FRMD4B: variants seen among roughly 807,000 people sequenced by gnomAD.
FRMD4B encodes the protein FERM domain-containing protein 4B.
FRMD4B carries 74 observed loss-of-function variants against 141.5 expected under a neutral mutation model. The observed-to-expected ratio is 0.52, with a 90% confidence interval of 0.43 to 0.63. The LOEUF (loss-of-function observed/expected upper bound fraction) is 0.63, where lower values mean the gene tolerates loss of function less well. Ranked by LOEUF, FRMD4B falls within the 30% of genes least tolerant of loss-of-function variation. The probability of loss-of-function intolerance (pLI) is 0.00; values close to 1 mark genes in which losing one functional copy is unlikely to be tolerated. For missense variants in FRMD4B, 1,366 were observed against 1,253.4 expected (o/e 1.09, Z -1.36); for synonymous variants, 506 against 467.9 (o/e 1.08, Z -1.05).
At chr3:69,382,539 G>T (rs565523166) in intron 1 of FRMD4B, among the ~76,000 whole-genome samples, 5 of 152,040 alleles carry the variant, frequency 3.3e-5, no homozygotes, top group African/African-American at 4.8e-5. Flanking sequence ...ATGTATATTC[G>T]TGCTTTATAA....
chr3:69,445,041 A>G (rs1705391399), intron 1 of FRMD4B, among the ~76,000 whole-genome samples: 1 of 152,172 alleles, frequency 6.6e-6, no homozygotes, highest in African/African-American at 2.4e-5. Context: ...CAACCTTCCA[A>G]AAAGTCTCGC....
At position 69,313,465 on chromosome 3, in the gene FRMD4B, T is replaced by C; in HGVS notation, c.215A>G (p.Glu72Gly). The change falls in exon 2 of 23, where the codon GAG (glutamate) becomes GGG (glycine). Residue 72 changes from glutamate to glycine, a missense_variant. Glu to Gly is a moderately conservative substitution (Grantham distance 98). Coordinates refer to ENST00000398540, the MANE Select transcript of FRMD4B (RefSeq NM_015123.3). ...QVHLLDDRRL[E>G]LLVQPKLLAR... Reference sequence around the variant, plus strand: ...GGCCACACCTACCTGAACCAGCAGCTCCAGTCTCCTATCATCCAGGAGGTG... The same window carrying C: ...GGCCACACCTACCTGAACCAGCAGCCCCAGTCTCCTATCATCCAGGAGGTG... 6.4e-7 allele frequency: 1 copy of C among 1,571,180 alleles called. No individual in the cohort carries two copies.
chr3:69,267,184 G>A (rs1199425659), intron 5 of FRMD4B, among the ~76,000 whole-genome samples: 4 of 152,262 alleles, frequency 2.6e-5, no homozygotes, highest in Admixed American at 2.0e-4. Context: ...CATGTGTTTG[G>A]AACCAGTGAG....
chr3:69,329,001 T>G (rs1458345796), intron 1 of FRMD4B, among the ~76,000 whole-genome samples: 1 of 152,226 alleles, frequency 6.6e-6, no homozygotes, highest in Non-Finnish European at 1.5e-5. Flanking sequence ...CTTTACTCTA[T>G]GGACTCATCC....
chr3:69,525,229 G>A (rs1380660264), intron 1 of FRMD4B, among the ~76,000 whole-genome samples: 1 of 152,116 alleles, frequency 6.6e-6, no homozygotes, highest in Non-Finnish European at 1.5e-5. Flanking sequence ...CTGGCTCTTG[G>A]CCATGATGGA....
intron 1 of FRMD4B, among the ~76,000 whole-genome samples, chr3:69,457,162 G>A (rs1343418837): frequency 3.3e-5 from 5 of 152,128 alleles, no homozygotes; most frequent in African/African-American, 9.7e-5. Flanking sequence ...GAAAAGAAAG[G>A]AGGGAATTAT....
At chr3:69,412,449 C>T (rs909973803) in intron 2 of FRMD4B, among the ~76,000 whole-genome samples, 3 of 152,056 alleles carry the variant, frequency 2.0e-5, no homozygotes, top group Non-Finnish European at 2.9e-5. Context: ...TTAGTGAGAG[C>T]AGAGGGGACC....
intron 1 of FRMD4B, among the ~76,000 whole-genome samples, chr3:69,473,368 G>A (rs1705928261): frequency 6.6e-6 from 1 of 152,112 alleles, no homozygotes; most frequent in African/African-American, 2.4e-5. Flanking sequence ...TACAGGGTTA[G>A]AATAAATAAA....
intron 1 of FRMD4B, among the ~76,000 whole-genome samples, chr3:69,523,931 C>T (rs999971228): frequency 6.6e-6 from 1 of 152,202 alleles, no homozygotes; most frequent in Non-Finnish European, 1.5e-5. Flanking sequence ...GAAGGCACCA[C>T]CCAGCAGAGA....
intron 2 of FRMD4B, among the ~76,000 whole-genome samples, chr3:69,415,954 T>C (rs946504775): frequency 2.0e-5 from 3 of 152,298 alleles, no homozygotes; most frequent in Non-Finnish European, 4.4e-5. Context: ...CTCTATGAAA[T>C]TAATCATTTA....
chr3:69,321,544 C>T (rs1385588570), intron 1 of FRMD4B, among the ~76,000 whole-genome samples: 2 of 152,146 alleles, frequency 1.3e-5, no homozygotes, highest in East Asian at 1.9e-4. Context: ...TTGAGCCCTA[C>T]AGTGGTCCAA....
At chr3:69,422,811 A>G (rs533889095) in intron 2 of FRMD4B, among the ~76,000 whole-genome samples, 40 of 152,066 alleles carry the variant, frequency 2.6e-4, no homozygotes, top group Middle Eastern at 3.4e-3. Context: ...GAAAAAAAAA[A>G]CATTCTTAGC....
intron 5 of FRMD4B, 137 bp downstream of exon 5, chr3:69,287,615 T>TA: frequency 1.6e-6 from 1 of 640,342 alleles, no homozygotes; most frequent in East Asian, 2.8e-5. Flanking sequence ...AGTTGGGGGG[T>TA]AGGACATATT....
At chr3:69,528,801 CAAA>C (rs77054280) in intron 1 of FRMD4B, among the ~76,000 whole-genome samples, 1 of 134,354 alleles carries the variant, frequency 7.4e-6, no homozygotes, top group Non-Finnish European at 1.6e-5. Context: ...ATAAGGCCAC[CAAA>C]AAAAAAAAAA....
chr3:69,311,205 A>AG, intron 3 of FRMD4B, 58 bp downstream of exon 3: 1 of 751,030 alleles, frequency 1.3e-6, no homozygotes, highest in Non-Finnish European at 2.3e-6. Flanking sequence ...ATTATGGAAG[A>AG]CAGCAAGTAG....
At position 69,490,287 on chromosome 3, in the gene FRMD4B, A is replaced by T. The variant is rs1706281310; in HGVS notation, c.-129+51919T>A. ...AAAAGTTTCATCTATCATGTGCTAC[A>T]TGAAGTTTTCAGCACTAGCCAGAAA... On this transcript the variant is annotated intron_variant, in intron 1 of 5. Transcript: ENST00000459638. Among the ~76,000 whole-genome samples, 3 of 152,242 alleles carry T rather than the reference A, an allele frequency of 2.0e-5. No homozygotes were observed. In the South Asian group the frequency reaches 6.2e-4, roughly 32 times the overall value.
At chr3:69,536,302 C>T in intron 1 of FRMD4B, 1 of 641,064 alleles carries the variant, frequency 1.6e-6, no homozygotes, top group Non-Finnish European at 2.9e-6. Flanking sequence ...CTGGATTTTC[C>T]TCTTGTGCTT....
intron 2 of FRMD4B, among the ~76,000 whole-genome samples, chr3:69,397,638 C>T (rs1291279843): frequency 6.6e-6 from 1 of 152,058 alleles, no homozygotes; most frequent in South Asian, 2.1e-4. Context: ...ATATTGATCC[C>T]ATTTATATGA....
At chr3:69,185,659 C>T (rs2107611336) in intron 19 of FRMD4B, among the ~76,000 whole-genome samples, 1 of 152,172 alleles carries the variant, frequency 6.6e-6, no homozygotes, top group South Asian at 2.1e-4. Context: ...AGGGTAATGA[C>T]AGTAGTAACA....
Sources: gnomAD v4.1 joint callset for allele counts (sites outside exome capture counted in the v4.1 genomes callset) on GRCh38, gnomAD v4.1.1 for gene constraint, MANE v1.5 for transcripts, NCBI Gene and HGNC (gene_info 2026-07-23, HGNC 2026-07-21) for gene names.